The following CDH13 variants were observed in gnomAD, a reference collection of about 807,000 sequenced individuals.
CDH13 encodes the protein cadherin-13.
Under a neutral mutation model 63.8 loss-of-function variants are expected in CDH13, and 24 were observed. The ratio of observed to expected loss-of-function variants is 0.38; its 90% CI spans 0.27 to 0.53. The LOEUF is 0.53. Ranked by LOEUF, CDH13 falls within the 20% of genes least tolerant of loss-of-function variation. The probability of loss-of-function intolerance (pLI) is 0.85; values close to 1 mark genes in which losing one functional copy is unlikely to be tolerated. For synonymous variants in CDH13, 503 were observed against 355.3 expected, an observed-to-expected ratio of 1.42 and a Z score of -4.67; for missense variants, 1,049 against 903.1, an observed-to-expected ratio of 1.16 and a Z score of -2.07.
At chr16:82,872,819 C>T (rs142423081) in intron 2 of CDH13, among the ~76,000 whole-genome samples, 23 of 152,310 alleles carry the variant, frequency 1.5e-4, no homozygotes, top group Non-Finnish European at 2.6e-4. Context: ...ATTTAGCCAA[C>T]TATAGAAGAA....
chr16:83,109,977 G>A (rs573079729), intron 3 of CDH13, among the ~76,000 whole-genome samples: 5 of 152,158 alleles, frequency 3.3e-5, no homozygotes, highest in Non-Finnish European at 7.3e-5. Context: ...TTGGAAGTGT[G>A]GTTTGGCAAA....
intron 5 of CDH13, among the ~76,000 whole-genome samples, chr16:83,290,647 C>G (rs1567568122): frequency 2.0e-5 from 3 of 152,102 alleles, no homozygotes; most frequent in Admixed American, 1.3e-4. Context: ...AATATATTCC[C>G]TCTTATCGAA....
At chr16:83,652,121 G>A (rs747229885) in intron 8 of CDH13, among the ~76,000 whole-genome samples, 13 of 152,188 alleles carry the variant, frequency 8.5e-5, no homozygotes, top group East Asian at 1.9e-4. Context: ...AATATGCGAC[G>A]TGCTCATGGG....
chr16:83,741,982 G>T (rs997401087), intron 10 of CDH13, among the ~76,000 whole-genome samples: 2 of 152,212 alleles, frequency 1.3e-5, no homozygotes, highest in Non-Finnish European at 2.9e-5. Flanking sequence ...TGGAAAAATT[G>T]TCTTCCACGA....
intron 4 of CDH13, among the ~76,000 whole-genome samples, chr16:83,163,011 G>T (rs2037512295): frequency 6.6e-6 from 1 of 152,066 alleles, no homozygotes; most frequent in African/African-American, 2.4e-5. Context: ...GAACCTGGTG[G>T]GAGGTGATTG....
chr16:83,183,130 G>A (rs940286671), intron 4 of CDH13, among the ~76,000 whole-genome samples: 1 of 152,092 alleles, frequency 6.6e-6, no homozygotes, highest in Non-Finnish European at 1.5e-5. Context: ...ACATTTAAGG[G>A]AACTATTCGT....
chr16:83,354,891 A>T (rs749646111), intron 6 of CDH13, among the ~76,000 whole-genome samples: 1 of 152,206 alleles, frequency 6.6e-6, no homozygotes, highest in African/African-American at 2.4e-5. Context: ...CCCTTCATTC[A>T]TGTATTGACT....
chr16:82,964,868 A>C (rs1348919830), intron 2 of CDH13, among the ~76,000 whole-genome samples: 1 of 152,164 alleles, frequency 6.6e-6, no homozygotes, highest in Admixed American at 6.5e-5. Flanking sequence ...TGGTTAGGAC[A>C]TGGTGGCACT....
intron 2 of CDH13, among the ~76,000 whole-genome samples, chr16:82,968,512 A>G (rs1829917013): frequency 1.3e-5 from 2 of 152,140 alleles, no homozygotes; most frequent in South Asian, 4.1e-4. Context: ...GACATAAGGG[A>G]GGTAAACTGA....
chr16:83,171,555 T>A (rs766790812), intron 4 of CDH13: 4 of 1,534,190 alleles, frequency 2.6e-6, no homozygotes, highest in Non-Finnish European at 3.5e-6. Context: ...CCTAGCACGA[T>A]GGCTGACATG....
intron 4 of CDH13, among the ~76,000 whole-genome samples, chr16:83,184,882 C>T (rs887879394): frequency 1.0e-4 from 15 of 145,410 alleles, no homozygotes; most frequent in East Asian, 4.0e-4. Context: ...ATGTCTAAGC[C>T]GTGTGTGTGT....
chr16:83,570,985 G>A (rs373698872), intron 7 of CDH13, among the ~76,000 whole-genome samples: 12 of 97,784 alleles, frequency 1.2e-4, no homozygotes, highest in African/African-American at 1.9e-4. Flanking sequence ...ACCTTCTGGC[G>A]CCACCCAAGG....
intron 2 of CDH13, among the ~76,000 whole-genome samples, chr16:82,898,313 T>C (rs569853393): frequency 7.8e-4 from 118 of 152,166 alleles, no homozygotes; most frequent in Admixed American, 7.6e-3. Context: ...TCACCCGAGA[T>C]CAGGAGTCTG....
At chr16:82,780,337 C>A (rs7191150) in intron 1 of CDH13, among the ~76,000 whole-genome samples, 5 of 152,102 alleles carry the variant, frequency 3.3e-5, no homozygotes, top group Middle Eastern at 3.4e-3. Flanking sequence ...CAATCTCTCC[C>A]TTGCTCTCTG....
chr16:83,113,046 C>T (rs1013804247), intron 3 of CDH13, among the ~76,000 whole-genome samples: 4 of 152,172 alleles, frequency 2.6e-5, no homozygotes, highest in Non-Finnish European at 5.9e-5. Flanking sequence ...TGAGCCAACA[C>T]CAGATTGACC....
intron 2 of CDH13, among the ~76,000 whole-genome samples, chr16:82,979,770 T>C (rs1910015193): frequency 6.6e-6 from 1 of 152,208 alleles, no homozygotes; most frequent in Admixed American, 6.5e-5. Flanking sequence ...GGTGAGCTTT[T>C]TCCTGCCTTG....
chr16:82,979,518 G>T (rs1909979201), intron 2 of CDH13, among the ~76,000 whole-genome samples: 1 of 152,096 alleles, frequency 6.6e-6, no homozygotes, highest in Non-Finnish European at 1.5e-5. Context: ...AATTCTCATG[G>T]GATCTGATGG....
At chr16:83,744,970 C>G (rs1475045892) in intron 10 of CDH13, among the ~76,000 whole-genome samples, 1 of 152,212 alleles carries the variant, frequency 6.6e-6, no homozygotes, top group Non-Finnish European at 1.5e-5. Flanking sequence ...GCCTGCGAAT[C>G]CCAACCATGC....
intron 7 of CDH13, among the ~76,000 whole-genome samples, chr16:83,542,750 G>T (rs543939315): frequency 4.6e-5 from 7 of 152,134 alleles, no homozygotes; most frequent in Admixed American, 1.3e-4. Context: ...GGCTGTCTCC[G>T]TGTGTGTCTT....
Sources: allele counts gnomAD v4.1 joint callset (sites outside exome capture counted in the v4.1 genomes callset), GRCh38; gene constraint gnomAD v4.1.1; transcripts MANE v1.5; gene names NCBI Gene and HGNC (gene_info 2026-07-23, HGNC 2026-07-21).